The following MRPL48 variants were observed in gnomAD, a reference collection of about 807,000 sequenced individuals.
MRPL48 encodes mitochondrial ribosomal protein L48, also known as large ribosomal subunit protein mL48.
Under a neutral mutation model 32.9 loss-of-function variants are expected in MRPL48, and 16 were observed. That is an observed-to-expected ratio of 0.49 (90% CI 0.33 to 0.74). The LOEUF (loss-of-function observed/expected upper bound fraction) is 0.74. Among genes scored for constraint, MRPL48 ranks in the 30% least tolerant of loss-of-function variants. The pLI is 0.02. For missense variants in MRPL48, 206 were observed against 245.3 expected (o/e 0.84, Z 1.07); for synonymous variants, 94 against 89.2 (o/e 1.05, Z -0.31).
intron 4 of MRPL48, among the ~76,000 whole-genome samples, chr11:73,844,325 G>A (rs534844613): frequency 6.6e-6 from 1 of 152,144 alleles, no homozygotes; most frequent in African/African-American, 2.4e-5. Context: ...CAGCTACTTA[G>A]GAGGCTGAGG....
At chr11:73,802,460 A>C (rs1254484575) in intron 1 of MRPL48, among the ~76,000 whole-genome samples, 1 of 152,138 alleles carries the variant, frequency 6.6e-6, no homozygotes, top group Non-Finnish European at 1.5e-5. Context: ...CATACCCCTT[A>C]GCAGTCATCC....
At position 73,808,167 on chromosome 11, in the gene MRPL48, A is replaced by T. The variant is rs537461655; in HGVS notation, c.75-146A>T. Reference sequence around the variant, plus strand: ...GCACTTTGGCACACATCAGGTCCTTATTAAAGTTTGTGGAAGGAAGAAAGG... The same window carrying T: ...GCACTTTGGCACACATCAGGTCCTTTTTAAAGTTTGTGGAAGGAAGAAAGG... On this transcript the variant is annotated intron_variant, in intron 2 of 7. Transcript: ENST00000310614. 5 of 790,626 alleles carry T rather than the reference A, an allele frequency of 6.3e-6. No homozygotes were observed. The African/African-American group carries it at 8.7e-5, about 14-fold the overall frequency. 49.0% of individuals were successfully genotyped at this position (790,626 alleles called of 1,614,324 possible). A position where few individuals can be genotyped will look rare whatever the true frequency, so the allele number is the denominator to read the frequency against.
chr11:73,825,284 A>ATATGTGTGTGTGTG lies in MRPL48; in HGVS notation c.113-423_113-422insATGTGTGTGTGTGT, dbSNP rs146232365. Among the ~76,000 whole-genome samples, 902 of 139,864 alleles carry ATATGTGTGTGTGTG rather than the reference A, an allele frequency of 6.4e-3. 10 individuals are homozygous for ATATGTGTGTGTGTG. The highest frequency in any genetic ancestry group is 0.033 in the South Asian group (131 of 4,014). 91.8% of individuals were successfully genotyped at this position (139,864 alleles called of 152,430 possible). On this transcript the variant is annotated intron_variant, in intron 3 of 7. Transcript: ENST00000310614. Reference sequence around the variant, plus strand: ...CTTACTGTTACCTTGTTTTTTATATATGTGTGTGTGTGTGTGTGTGTGTGT... The same window carrying ATATGTGTGTGTGTG: ...CTTACTGTTACCTTGTTTTTTATATATATGTGTGTGTGTGTGTGTGTGTGTGTGTGTGTGTGTGT...
At position 73,808,370 on chromosome 11, in the gene MRPL48, T is replaced by C. The variant is rs1947498424; in HGVS notation, c.112+20T>C. On this transcript the variant is annotated intron_variant, in intron 3 of 7. Coordinates refer to ENST00000310614, the MANE Select transcript of MRPL48 (RefSeq NM_016055.6). Reference sequence around the variant, plus strand: ...CTGTAGGTAAGCAGTTTTTACCTGATGTAGTTGGCCTGCTTTAAGTGACCC... The same window carrying C: ...CTGTAGGTAAGCAGTTTTTACCTGACGTAGTTGGCCTGCTTTAAGTGACCC... 1.2e-6 allele frequency: 2 copies of C among 1,600,854 alleles called. No homozygotes were observed. The highest frequency in any genetic ancestry group is 1.7e-6 in the Non-Finnish European group (2 of 1,171,676).
At chr11:73,863,284 G>GC (rs1948616150) in intron 7 of MRPL48, 23 bp downstream of exon 7, 13 of 1,530,294 alleles carry the variant, frequency 8.5e-6, no homozygotes, top group Admixed American at 2.0e-5. Flanking sequence ...TTGAGAAGAG[G>GC]CCCCTGCTGG....
chr11:73,827,568 A>G (rs904880497), intron 4 of MRPL48, among the ~76,000 whole-genome samples: 3 of 152,144 alleles, frequency 2.0e-5, no homozygotes, highest in Non-Finnish European at 4.4e-5. Flanking sequence ...CTGTCTTTCA[A>G]TCTCAAGCCT....
intron 3 of MRPL48, chr11:73,817,856 G>A: frequency 2.6e-6 from 1 of 380,524 alleles, no homozygotes; most frequent in South Asian, 2.0e-5. Context: ...CCAGGCTTGA[G>A]TACAGTGGCA....
At chr11:73,861,284 A>G (rs768116760) in intron 6 of MRPL48, among the ~76,000 whole-genome samples, 4 of 152,178 alleles carry the variant, frequency 2.6e-5, no homozygotes, top group Non-Finnish European at 4.4e-5. Context: ...GTTGGTACTC[A>G]GGTGCCTTCA....
At chr11:73,804,259 A>G (rs1336400818) in intron 1 of MRPL48, among the ~76,000 whole-genome samples, 2 of 150,638 alleles carry the variant, frequency 1.3e-5, no homozygotes, top group Non-Finnish European at 2.9e-5. Context: ...TAATAGAGGC[A>G]TAGCTTTTGT....
At chr11:73,859,288 T>G (rs947810461) in intron 5 of MRPL48, among the ~76,000 whole-genome samples, 2 of 131,272 alleles carry the variant, frequency 1.5e-5, no homozygotes, top group Middle Eastern at 8.4e-3. Flanking sequence ...TTTTCTTTCT[T>G]TTTTTTTTTT....
intron 1 of MRPL48, among the ~76,000 whole-genome samples, chr11:73,794,051 G>A (rs1394780345): frequency 2.0e-5 from 3 of 151,900 alleles, no homozygotes; most frequent in Non-Finnish European, 4.4e-5. Context: ...GCCAGGTGTG[G>A]TGGCATGTTC....
At chr11:73,803,307 T>C (rs1286654835) in intron 1 of MRPL48, among the ~76,000 whole-genome samples, 1 of 151,070 alleles carries the variant, frequency 6.6e-6, no homozygotes, top group Admixed American at 6.6e-5. Flanking sequence ...ATTTTTGTAT[T>C]TTTGGGAGAG....
chr11:73,847,780 A>G (rs1948321137), intron 5 of MRPL48, among the ~76,000 whole-genome samples: 1 of 152,006 alleles, frequency 6.6e-6, no homozygotes, highest in African/African-American at 2.4e-5. Context: ...GGATTTCACC[A>G]TGTTGGTCAG....
intron 4 of MRPL48, among the ~76,000 whole-genome samples, chr11:73,834,627 G>A (rs35020341): frequency 0.055 from 8,282 of 149,380 alleles, 253 homozygotes; most frequent in Middle Eastern, 0.1. Flanking sequence ...TCCGCCTCCC[G>A]GGTTCAAGTG....
Position 73,832,889 on chromosome 11 carries a change from A to G in MRPL48, c.201+7093A>G, listed in dbSNP as rs116488755. ...ATGCCATGCATTGTGCTGAGTATCC[A>G]TGATGCTCAGGTGAACGGGACATGG... On this transcript the variant is annotated intron_variant, in intron 4 of 7. Coordinates refer to ENST00000310614, the MANE Select transcript of MRPL48 (RefSeq NM_016055.6). Among the ~76,000 whole-genome samples, 947 of 152,306 alleles carry G rather than the reference A, an allele frequency of 6.2e-3. 11 individuals are homozygous for G. The highest frequency in any genetic ancestry group is 0.022 in the African/African-American group (901 of 41,556).
At chr11:73,815,581 T>G (rs1947650014) in intron 3 of MRPL48, among the ~76,000 whole-genome samples, 1 of 152,124 alleles carries the variant, frequency 6.6e-6, no homozygotes, top group African/African-American at 2.4e-5. Flanking sequence ...CTTGAGCTCC[T>G]AGGTTCAAGG....
In MRPL48 at chr11:73,859,564, C is replaced by T. The variant is rs957603568; in HGVS notation, c.372-343C>T. 5.9e-5 allele frequency among the ~76,000 whole-genome samples: 9 copies of T among 152,080 alleles called. No homozygotes were observed. In the South Asian group the frequency reaches 6.2e-4, roughly 11 times the overall value. On this transcript the variant is annotated intron_variant, in intron 5 of 7. Transcript: ENST00000310614. ...CCAAATTGCTGGGATTACAGGTGTG[C>T]GCCACCACATCTGGTCACTTGATTC...
intron 3 of MRPL48, among the ~76,000 whole-genome samples, chr11:73,823,651 T>C (rs899359152): frequency 7.2e-6 from 1 of 138,806 alleles, no homozygotes; most frequent in Admixed American, 7.3e-5. Flanking sequence ...TCTTTTCTTT[T>C]CTGTTTTTTT....
At chr11:73,861,965 T>C (rs918685051) in intron 6 of MRPL48, among the ~76,000 whole-genome samples, 1 of 152,168 alleles carries the variant, frequency 6.6e-6, no homozygotes, top group Non-Finnish European at 1.5e-5. Context: ...GGTCCTGGTA[T>C]GCCTGGATAT....
Sources: gnomAD v4.1 joint callset for allele counts (sites outside exome capture counted in the v4.1 genomes callset) on GRCh38, gnomAD v4.1.1 for gene constraint, MANE v1.5 for transcripts, NCBI Gene and HGNC (gene_info 2026-07-23, HGNC 2026-07-21) for gene names.